PHF2: variants seen among roughly 807,000 people sequenced by gnomAD.
PHF2 encodes lysine-specific demethylase PHF2.
Under a neutral mutation model 120.5 loss-of-function variants are expected in PHF2, and 27 were observed. The ratio of observed to expected loss-of-function variants is 0.22; its 90% CI spans 0.17 to 0.31. The LOEUF (loss-of-function observed/expected upper bound fraction) is 0.31. PHF2 is among the 10% of genes least tolerant of loss of function. The pLI, the probability that PHF2 is intolerant of heterozygous loss-of-function variation, is 1.00. For synonymous variants in PHF2, 568 were observed against 592.5 expected (o/e 0.96, Z 0.60); for missense variants, 1,024 against 1,434.8 (o/e 0.71, Z 4.63).
In PHF2 at chr9:93,673,722, G is replaced by C. The variant is rs1826852203; in HGVS notation, c.2486G>C (p.Gly829Ala). ...AAGGGGAGCTCGCTGGCTGCCCATG[G>C]TGCCCGGAAGAATGGGGGTGGCAGT... is the stretch of plus-strand genomic sequence containing the variant. Reference protein sequence around the residue: ...QAKGSSLAAHGARKNGGGSGK... With the variant: ...QAKGSSLAAHAARKNGGGSGK... The change falls in exon 18 of 22, where the codon GGT becomes GCT. Residue 829 changes from glycine to alanine, a missense_variant. Physicochemically the swap from Gly to Ala is moderately conservative, Grantham distance 60. Coordinates refer to ENST00000359246, the MANE Select transcript of PHF2 (RefSeq NM_005392.4). 1 of 1,613,340 alleles carries C rather than the reference G, an allele frequency of 6.2e-7. No homozygotes were observed. The highest frequency in any genetic ancestry group is 8.5e-7 in the Non-Finnish European group (1 of 1,179,768).
At position 93,677,717 on chromosome 9, in the gene PHF2, C is replaced by T; in HGVS notation, c.*41C>T. Reference sequence around the variant, plus strand: ...GATCCTTCTGCTCCGCTCAGGACCCCCGGAGCCCCGCGAAAACATCTGCCT... The same window carrying T: ...GATCCTTCTGCTCCGCTCAGGACCCTCGGAGCCCCGCGAAAACATCTGCCT... On this transcript the variant is annotated 3_prime_UTR_variant, in exon 22 of 22. Transcript: ENST00000359246. This position sits in a 1 kb window ranked among gnomAD's most constrained non-coding sequence, Gnocchi z 4.4. 1.3e-6 allele frequency: 2 copies of T among 1,489,848 alleles called. No homozygotes were observed. Among genetic ancestry groups the T allele is most frequent in the Non-Finnish European group, 1.9e-6 (2 of 1,072,308 alleles). 92.3% of individuals were successfully genotyped at this position (1,489,848 alleles called of 1,614,324 possible). A position where few individuals can be genotyped will look rare whatever the true frequency, so the allele number is the denominator to read the frequency against.
chr9:93,624,591 G>A (rs1825877396), intron 1 of PHF2, among the ~76,000 whole-genome samples: 2 of 151,628 alleles, frequency 1.3e-5, no homozygotes, highest in Admixed American at 6.6e-5. Flanking sequence ...TGATGACAAC[G>A]GTCGTTGTGA....
intron 3 of PHF2, among the ~76,000 whole-genome samples, chr9:93,639,457 A>G (rs934040452): frequency 2.6e-5 from 4 of 152,036 alleles, no homozygotes; most frequent in Admixed American, 2.6e-4. Context: ...TAGTTCTAAT[A>G]GTTTTTTTTT....
At chr9:93,658,993 G>A (rs1283748012) in intron 10 of PHF2, among the ~76,000 whole-genome samples, 9 of 152,230 alleles carry the variant, frequency 5.9e-5, no homozygotes, top group Non-Finnish European at 1.2e-4. Context: ...CACTCTTGAG[G>A]GAGGAGGACC....
chr9:93,660,105 G>A, intron 11 of PHF2, 87 bp from the exon 12 acceptor site: 2 of 1,432,244 alleles, frequency 1.4e-6, no homozygotes, highest in South Asian at 1.5e-5. Context: ...GCCTGGCACT[G>A]AGTGTCTCCA....
At chr9:93,671,491 T>G (rs376009986) in intron 17 of PHF2, among the ~76,000 whole-genome samples, 5 of 77,542 alleles carry the variant, frequency 6.4e-5, no homozygotes, top group African/African-American at 1.1e-4. Flanking sequence ...TGGGAGTAGG[T>G]ACAGGTGTAG....
intron 4 of PHF2, among the ~76,000 whole-genome samples, chr9:93,647,749 G>A (rs183804120): frequency 1.4e-4 from 22 of 152,268 alleles, no homozygotes; most frequent in African/African-American, 5.3e-4. Context: ...AATTAGCCAG[G>A]TGTGGTGGTG....
intron 1 of PHF2, among the ~76,000 whole-genome samples, chr9:93,618,125 T>C (rs1344257891): frequency 1.3e-5 from 2 of 152,274 alleles, no homozygotes; most frequent in Non-Finnish European, 2.9e-5. Context: ...AAATTAGCTT[T>C]AAACTTCTTT....
At chr9:93,660,631 C>T (rs959536105) in intron 12 of PHF2, 71 bp downstream of exon 12, 67 of 1,384,504 alleles carry the variant, frequency 4.8e-5, no homozygotes, top group Admixed American at 3.6e-4. Context: ...GGGCCAGTCC[C>T]ATGGAGATAG....
intron 1 of PHF2, among the ~76,000 whole-genome samples, chr9:93,626,016 G>A (rs1587690602): frequency 1.3e-5 from 2 of 152,172 alleles, no homozygotes; most frequent in East Asian, 3.9e-4. Flanking sequence ...GCCAAGGTGG[G>A]TGGATCATCT....
intron 3 of PHF2, among the ~76,000 whole-genome samples, chr9:93,643,113 C>T (rs117981471): frequency 0.026 from 3,976 of 152,148 alleles, 86 homozygotes; most frequent in Non-Finnish European, 0.039. Flanking sequence ...TGGTGGTTCA[C>T]CTCCTTCTGT....
At chr9:93,597,226 G>A (rs10992795) in intron 1 of PHF2, among the ~76,000 whole-genome samples, 46,387 of 152,040 alleles carry the variant, frequency 0.31, 8,004 homozygotes, top group South Asian at 0.6. Context: ...ATCGCGCCTG[G>A]CCTCTGCCAA....
intron 1 of PHF2, among the ~76,000 whole-genome samples, chr9:93,582,267 T>G (rs556961409): frequency 6.6e-6 from 1 of 152,314 alleles, no homozygotes; most frequent in South Asian, 2.1e-4. Context: ...TAGGTTATTC[T>G]GGCTCAAGGG....
At position 93,663,552 on chromosome 9, in the gene PHF2, G is replaced by A. The variant is rs1173149240; in HGVS notation, c.1854G>A (p.Glu618=). The A allele has an allele frequency of 2.5e-6, 4 of 1,613,170 alleles. No homozygotes were observed. The East Asian group carries it at 6.7e-5, about 27-fold the overall frequency. The change falls in exon 14 of 22, where the codon GAG becomes GAA. Residue 618 remains glutamate, a synonymous_variant. Transcript: ENST00000359246. ...CTGACTCCTTACTGAAGATGGAAGA[G>A]GAGCAGAAGCTAGAGAAGTCGCCTC... ...SKPDSLLKME[E]EQKLEKSPLA...
intron 2 of PHF2, among the ~76,000 whole-genome samples, chr9:93,631,250 C>G (rs1825997581): frequency 6.6e-6 from 1 of 152,166 alleles, no homozygotes; most frequent in African/African-American, 2.4e-5. Flanking sequence ...TTGGCCTCTC[C>G]CAAGGCCTGA....
intron 1 of PHF2, among the ~76,000 whole-genome samples, chr9:93,592,680 G>A (rs1825251422): frequency 6.6e-6 from 1 of 152,072 alleles, no homozygotes; most frequent in African/African-American, 2.4e-5. Flanking sequence ...GTGTAACTGG[G>A]GTATCTGAGC....
chr9:93,660,770 G>A (rs1826551940), intron 12 of PHF2, among the ~76,000 whole-genome samples: 1 of 152,202 alleles, frequency 6.6e-6, no homozygotes, highest in Admixed American at 6.5e-5. Context: ...GCAGCATCCA[G>A]GCCCAGACCC....
chr9:93,630,462 C>G (rs916220894), intron 2 of PHF2, among the ~76,000 whole-genome samples: 2 of 152,234 alleles, frequency 1.3e-5, no homozygotes, highest in African/African-American at 4.8e-5. Flanking sequence ...TGTCTGTTTT[C>G]TGGGCACGTG....
chr9:93,667,954 T>C (rs1295704138), intron 17 of PHF2, among the ~76,000 whole-genome samples: 1 of 152,166 alleles, frequency 6.6e-6, no homozygotes, highest in East Asian at 1.9e-4. Flanking sequence ...CCAGAATCCA[T>C]GGGCAACCCA....
Sources: gnomAD v4.1 joint callset for allele counts (sites outside exome capture counted in the v4.1 genomes callset) on GRCh38, gnomAD v4.1.1 for gene constraint, Gnocchi (gnomAD v3.1) non-coding constraint, MANE v1.5 for transcripts, NCBI Gene and HGNC (gene_info 2026-07-23, HGNC 2026-07-21) for gene names.